SMG6: variants seen among roughly 807,000 people sequenced by gnomAD.
The protein encoded by SMG6 is SMG6 nonsense mediated mRNA decay factor.
A neutral mutation model predicts 142.2 loss-of-function variants in SMG6; 66 were observed. The ratio of observed to expected loss-of-function variants is 0.46; its 90% CI spans 0.38 to 0.57. The LOEUF (loss-of-function observed/expected upper bound fraction) is 0.57. Ranked by LOEUF, SMG6 falls within the 20% of genes least tolerant of loss-of-function variation. SMG6 has a pLI of 0.00. For missense variants in SMG6, 1,793 were observed against 1,832.0 expected (o/e 0.98, Z 0.39); for synonymous variants, 779 against 702.4 (o/e 1.11, Z -1.72).
At chr17:2,201,183 A>T (rs1459220059) in intron 10 of SMG6, among the ~76,000 whole-genome samples, 1 of 152,226 alleles carries the variant, frequency 6.6e-6, no homozygotes, top group Non-Finnish European at 1.5e-5. Flanking sequence ...CTTTCAACTC[A>T]GCAAAATAAA....
Position 2,068,752 on chromosome 17 carries a change from C to T in SMG6, c.3835+26G>A, listed in dbSNP as rs760669496. The T allele has an allele frequency of 9.3e-6, 15 of 1,609,308 alleles. No individual in the cohort carries two copies. Among genetic ancestry groups the T allele is most frequent in the Admixed American group, 8.4e-5 (5 of 59,730 alleles). The stretch of plus-strand genomic sequence containing the variant: ...GGGGGCTGCTGTGCACATGCAAGGC[C>T]GCTCTGCCCTTCCCGCCTGACTCAC... On this transcript the variant is annotated intron_variant, in intron 16 of 18. Coordinates refer to ENST00000263073, the MANE Select transcript of SMG6 (RefSeq NM_017575.5). The surrounding 1 kb of genome is among the most constrained non-coding windows in gnomAD (Gnocchi z 6.7).
intron 10 of SMG6, among the ~76,000 whole-genome samples, chr17:2,206,871 G>C (rs899532248): frequency 1.3e-5 from 2 of 151,954 alleles, no homozygotes; most frequent in Admixed American, 6.6e-5. Flanking sequence ...CTGGGCAACA[G>C]AGTGAGACAC....
intron 3 of SMG6, 91 bp from the exon 4 acceptor site, chr17:2,297,444 TGCTGA>T: frequency 3.3e-6 from 3 of 914,688 alleles, no homozygotes; most frequent in East Asian, 2.5e-5. Flanking sequence ...TTCACAGTTC[TGCTGA>T]TGTTCAGACA....
intron 13 of SMG6, among the ~76,000 whole-genome samples, chr17:2,116,841 G>GAA (rs756947319): frequency 7.7e-6 from 1 of 129,784 alleles, no homozygotes; most frequent in Non-Finnish European, 1.6e-5. Flanking sequence ...CAGAATACTG[G>GAA]AAAAAAAAAA....
intron 8 of SMG6, among the ~76,000 whole-genome samples, chr17:2,272,137 C>T (rs553137323): frequency 4.6e-5 from 7 of 152,324 alleles, no homozygotes; most frequent in Admixed American, 4.6e-4. Context: ...TGGCAGAAGG[C>T]TCAGCCTCCT....
chr17:2,230,196 AAAAAAAAAAAAAAAAAAAAAAAAAAGG>A (rs1567701219), intron 10 of SMG6, among the ~76,000 whole-genome samples: 1 of 103,120 alleles, frequency 9.7e-6, no homozygotes, highest in African/African-American at 4.0e-5. Flanking sequence ...CAAAAAAAAA[AAAAAAAAAAAAAAAAAAAAAAAAAAGG>A]AAAAGAAAGG....
intron 9 of SMG6, chr17:2,237,364 G>A (rs981539009): frequency 2.9e-5 from 9 of 310,658 alleles, no homozygotes; most frequent in African/African-American, 4.5e-5. Context: ...CACTGCACTC[G>A]GCCTAAAGAT....
intron 10 of SMG6, among the ~76,000 whole-genome samples, chr17:2,212,288 C>T (rs17761746): frequency 0.015 from 2,231 of 152,050 alleles, 32 homozygotes; most frequent in Non-Finnish European, 0.021. Context: ...AAAAGATAGA[C>T]CCAAAAAAGT....
chr17:2,141,473 G>T (rs2070477786), intron 13 of SMG6, among the ~76,000 whole-genome samples: 1 of 152,188 alleles, frequency 6.6e-6, no homozygotes, highest in Admixed American at 6.5e-5. Flanking sequence ...ATGCGGTCTT[G>T]CTCTGTCACC....
chr17:2,146,032 T>C (rs981586473), intron 13 of SMG6, among the ~76,000 whole-genome samples: 4 of 152,210 alleles, frequency 2.6e-5, no homozygotes, highest in African/African-American at 4.8e-5. Flanking sequence ...TAAATATTTC[T>C]CTTTGTTGAA....
At chr17:2,298,154 G>A in intron 2 of SMG6, 99 bp from the exon 3 acceptor site, 1 of 1,127,682 alleles carries the variant, frequency 8.9e-7, no homozygotes, top group African/African-American at 1.6e-5. Flanking sequence ...TCCCCTGGCA[G>A]GAAATAAAAA....
intron 8 of SMG6, among the ~76,000 whole-genome samples, chr17:2,252,847 GGGTC>G (rs1300046474): frequency 6.6e-6 from 1 of 152,034 alleles, no homozygotes; most frequent in Non-Finnish European, 1.5e-5. Context: ...CTATGGCCAT[GGGTC>G]AAATGTAGCC....
chr17:2,190,266 G>A (rs1597561337), intron 10 of SMG6, among the ~76,000 whole-genome samples: 2 of 152,164 alleles, frequency 1.3e-5, no homozygotes, highest in Non-Finnish European at 2.9e-5. Flanking sequence ...AGGGAGTTGG[G>A]AGAAGACAAG....
chr17:2,279,400 T>G (rs542591736), intron 8 of SMG6, among the ~76,000 whole-genome samples: 1 of 152,184 alleles, frequency 6.6e-6, no homozygotes, highest in African/African-American at 2.4e-5. Flanking sequence ...TGTCGAGGAT[T>G]TTAGACCTGA....
chr17:2,149,626 G>A (rs1013815487), intron 13 of SMG6, among the ~76,000 whole-genome samples: 7 of 152,160 alleles, frequency 4.6e-5, no homozygotes, highest in African/African-American at 7.2e-5. Context: ...GGGCTTGTAG[G>A]CACTCCTTGA....
chr17:2,084,925 C>CAACCACTCAG lies in SMG6; in HGVS notation c.3534+790_3534+799dup, dbSNP rs1202602162. Among the ~76,000 whole-genome samples, 3 of 152,348 alleles carry CAACCACTCAG rather than the reference C, an allele frequency of 2.0e-5. No individual in the cohort carries two copies. The South Asian group carries it at 6.2e-4, about 32-fold the overall frequency. ...ACATGCTCCAACAACATCACACTCA[C>CAACCACTCAG]AACCACTCAGAACCCACAGAGAGCA... On this transcript the variant is annotated intron_variant, in intron 14 of 18. Transcript: ENST00000263073.
chr17:2,193,443 C>T (rs766476257), intron 10 of SMG6, among the ~76,000 whole-genome samples: 54 of 152,094 alleles, frequency 3.6e-4, no homozygotes, highest in Non-Finnish European at 4.7e-4. Flanking sequence ...CCTAATGCAC[C>T]AAGACAAGAC....
In SMG6 at chr17:2,299,067, G is replaced by A. The variant is rs1180050149; in HGVS notation, c.1686C>T (p.Ser562=). The change falls in exon 2 of 19, where the codon AGC becomes AGT. Residue 562 remains serine, a synonymous_variant. Coordinates refer to ENST00000263073, the MANE Select transcript of SMG6 (RefSeq NM_017575.5). This position sits in a 1 kb window ranked among gnomAD's most constrained non-coding sequence, Gnocchi z 4.3. ...GQYVCSPLPT[S]TMSPEEVEQH... Reference sequence around the variant, plus strand: ...GCTCTACCTCCTCGGGACTCATGGTGCTGGTAGGTAGAGGGCTACACACAT... The same window carrying A: ...GCTCTACCTCCTCGGGACTCATGGTACTGGTAGGTAGAGGGCTACACACAT... The A allele has an allele frequency of 6.2e-7, 1 of 1,614,192 alleles. No individual in the cohort carries two copies. Among genetic ancestry groups the A allele is most frequent in the African/African-American group, 1.3e-5 (1 of 75,042 alleles).
intron 13 of SMG6, among the ~76,000 whole-genome samples, chr17:2,126,911 CACAGACACAAACAT>C (rs2069902667): frequency 1.3e-5 from 2 of 151,790 alleles, no homozygotes; most frequent in African/African-American, 4.8e-5. Context: ...CACACATGCA[CACAGACACAAACAT>C]ACATGCACAC....
Sources: allele counts gnomAD v4.1 joint callset (sites outside exome capture counted in the v4.1 genomes callset), GRCh38; gene constraint gnomAD v4.1.1; non-coding constraint Gnocchi (gnomAD v3.1); transcripts MANE v1.5; gene names NCBI Gene and HGNC (gene_info 2026-07-23, HGNC 2026-07-21).